Variants in PEX5L observed in about 807,000 individuals in gnomAD.
PEX5L encodes the protein PEX5-related protein.
PEX5L carries 30 observed loss-of-function variants against 84.0 expected under a neutral mutation model. The ratio of observed to expected loss-of-function variants is 0.36; its 90% CI spans 0.27 to 0.48. The LOEUF (loss-of-function observed/expected upper bound fraction) is 0.48, where lower values mean the gene tolerates loss of function less well. Among genes scored for constraint, PEX5L ranks in the 20% least tolerant of loss-of-function variants. PEX5L has a pLI of 0.99. For missense variants in PEX5L, 533 were observed against 754.6 expected, an observed-to-expected ratio of 0.71 and a Z score of 3.44; for synonymous variants, 270 against 283.1, an observed-to-expected ratio of 0.95 and a Z score of 0.46.
At chr3:179,806,795 A>G (rs1444312207) in intron 14 of PEX5L, among the ~76,000 whole-genome samples, 1 of 152,210 alleles carries the variant, frequency 6.6e-6, no homozygotes, top group Non-Finnish European at 1.5e-5. Context: ...AAGTGAAGAA[A>G]TTGAGGCTAA....
At chr3:179,928,765 T>G (rs974172094) in intron 2 of PEX5L, among the ~76,000 whole-genome samples, 2 of 152,218 alleles carry the variant, frequency 1.3e-5, no homozygotes, top group Non-Finnish European at 2.9e-5. Flanking sequence ...TAGAGTTGGC[T>G]TATACTCATT....
chr3:179,949,788 G>A (rs1023963373), intron 2 of PEX5L, among the ~76,000 whole-genome samples: 2 of 152,150 alleles, frequency 1.3e-5, no homozygotes, highest in Non-Finnish European at 2.9e-5. Flanking sequence ...TTACCTAGAG[G>A]GACAGGCATT....
chr3:179,894,873 A>G (rs1219071205), intron 3 of PEX5L, among the ~76,000 whole-genome samples: 1 of 152,088 alleles, frequency 6.6e-6, no homozygotes, highest in Non-Finnish European at 1.5e-5. Flanking sequence ...AAAAGTATCT[A>G]GGAGATATGG....
intron 5 of PEX5L, among the ~76,000 whole-genome samples, chr3:179,875,779 T>C (rs1407896861): frequency 2.6e-5 from 4 of 152,264 alleles, no homozygotes; most frequent in Non-Finnish European, 5.9e-5. Context: ...GAATTTATTT[T>C]TGAATCTGTG....
intron 8 of PEX5L, among the ~76,000 whole-genome samples, chr3:179,832,197 G>C (rs1733271853): frequency 6.6e-6 from 1 of 152,050 alleles, no homozygotes; most frequent in Non-Finnish European, 1.5e-5. Flanking sequence ...AGGACTTGGT[G>C]TTTGATTAGA....
At chr3:179,864,344 AT>A (rs1056726720) in intron 7 of PEX5L, among the ~76,000 whole-genome samples, 2 of 152,266 alleles carry the variant, frequency 1.3e-5, no homozygotes, top group African/African-American at 4.8e-5. Context: ...ATGGAATGCT[AT>A]TCAGCCTTAT....
At chr3:179,859,309 G>A in intron 7 of PEX5L, 152 bp from the exon 8 acceptor site, 1 of 630,954 alleles carries the variant, frequency 1.6e-6, no homozygotes, top group South Asian at 1.9e-5. Flanking sequence ...CTGGTATGAT[G>A]TTGCCTAAAC....
At chr3:179,918,339 T>C (rs886332078) in intron 2 of PEX5L, among the ~76,000 whole-genome samples, 3 of 152,226 alleles carry the variant, frequency 2.0e-5, no homozygotes, top group African/African-American at 7.2e-5. Flanking sequence ...ATTCATATTT[T>C]TATATAGGTC....
intron 2 of PEX5L, among the ~76,000 whole-genome samples, chr3:179,930,873 T>G (rs1246640612): frequency 6.6e-6 from 1 of 152,154 alleles, no homozygotes; most frequent in Non-Finnish European, 1.5e-5. Context: ...GAAACGCTAC[T>G]ATTTAAGCAC....
At chr3:179,925,844 C>A (rs1338674274) in intron 2 of PEX5L, among the ~76,000 whole-genome samples, 13 of 152,094 alleles carry the variant, frequency 8.5e-5, no homozygotes, top group Admixed American at 7.2e-4. Flanking sequence ...TAATATACCA[C>A]AACATACAAG....
At chr3:179,825,837 T>C (rs1479916742) in intron 8 of PEX5L, among the ~76,000 whole-genome samples, 1 of 152,250 alleles carries the variant, frequency 6.6e-6, no homozygotes, top group African/African-American at 2.4e-5. Context: ...ACTTGTAACA[T>C]CTAAGAGCTA....
chr3:180,025,995 A>C (rs1257005890), intron 1 of PEX5L, among the ~76,000 whole-genome samples: 1 of 152,164 alleles, frequency 6.6e-6, no homozygotes, highest in Non-Finnish European at 1.5e-5. Flanking sequence ...CATAGACACT[A>C]TGTGGTGAAG....
chr3:179,927,035 C>T (rs986273522), intron 2 of PEX5L, among the ~76,000 whole-genome samples: 2 of 152,148 alleles, frequency 1.3e-5, no homozygotes, highest in African/African-American at 4.8e-5. Flanking sequence ...AGTTAGTTTT[C>T]TCAGTTAAAA....
intron 2 of PEX5L, among the ~76,000 whole-genome samples, chr3:179,904,973 G>A (rs1165860446): frequency 1.3e-5 from 2 of 152,280 alleles, no homozygotes; most frequent in Middle Eastern, 3.4e-3. Context: ...GGCTACTGCT[G>A]CTGGCCTCAC....
rs1784768754 is a variant in PEX5L at position 179,971,632 on chromosome 3, T to C, written c.55A>G (p.Ser19Gly). The C allele has an allele frequency of 6.2e-7, 1 of 1,609,120 alleles. No individual in the cohort carries two copies. Residue 19 changes from serine (S) to glycine (G), a missense_variant, in exon 2 of 15, where the codon AGT (serine) becomes GGT (glycine). Transcript: ENST00000467460. Reference sequence around the variant, plus strand: ...ACAATTATTTCGAGGTCTTCATCACTGCTTAGTTTTCCATATCCTTGTTCT... The same window carrying C: ...ACAATTATTTCGAGGTCTTCATCACCGCTTAGTTTTCCATATCCTTGTTCT... ...SKEQGYGKLS[S>G]DEDLEIIVDQ...
At chr3:179,880,196 G>T in intron 4 of PEX5L, 73 bp from the exon 5 acceptor site, 1 of 895,250 alleles carries the variant, frequency 1.1e-6, no homozygotes, top group Non-Finnish European at 1.7e-6. Context: ...TTTCAGTTGG[G>T]TACAGAAAGA....
At chr3:179,840,181 G>GT (rs1736596108) in intron 8 of PEX5L, among the ~76,000 whole-genome samples, 12 of 94,396 alleles carry the variant, frequency 1.3e-4, no homozygotes, top group South Asian at 4.2e-4. Flanking sequence ...GTGTGTGTGT[G>GT]TGTTTTTTTT....
intron 3 of PEX5L, among the ~76,000 whole-genome samples, chr3:179,894,203 A>T (rs7626292): frequency 0.59 from 89,132 of 151,982 alleles, 26,380 homozygotes; most frequent in South Asian, 0.68. Flanking sequence ...GTGACCATAC[A>T]GTGAGTGATT....
At chr3:179,817,204 GA>G (rs1178953503) in intron 9 of PEX5L, among the ~76,000 whole-genome samples, 1 of 151,746 alleles carries the variant, frequency 6.6e-6, no homozygotes, top group African/African-American at 2.4e-5. Flanking sequence ...TAAAGTTAAA[GA>G]TTTTTTTTTA....
Sources: allele counts gnomAD v4.1 joint callset (sites outside exome capture counted in the v4.1 genomes callset), GRCh38; gene constraint gnomAD v4.1.1; transcripts MANE v1.5; gene names NCBI Gene and HGNC (gene_info 2026-07-23, HGNC 2026-07-21).